KLHL1: variants seen among roughly 807,000 people sequenced by gnomAD.
KLHL1 encodes kelch-like protein 1.
KLHL1 carries 47 observed loss-of-function variants against 77.7 expected under a neutral mutation model. The observed-to-expected ratio is 0.60, with a 90% CI of 0.48 to 0.77. The LOEUF is 0.77. KLHL1 is among the 30% of genes least tolerant of loss of function. The pLI is 0.00. For synonymous variants in KLHL1, 360 were observed against 325.2 expected (o/e 1.11, Z -1.15); for missense variants, 925 against 910.8 (o/e 1.02, Z -0.20).
intron 5 of KLHL1, among the ~76,000 whole-genome samples, chr13:69,850,682 T>C: frequency 6.6e-6 from 1 of 151,674 alleles, no homozygotes; most frequent in South Asian, 2.1e-4. Context: ...TTCAAACTAC[T>C]CCCACAGCGT....
intron 8 of KLHL1, among the ~76,000 whole-genome samples, chr13:69,721,821 C>T (rs1156536211): frequency 6.6e-6 from 1 of 152,058 alleles, no homozygotes; most frequent in African/African-American, 2.4e-5. Context: ...CACAAGTAGT[C>T]TGCTAACTCT....
intron 4 of KLHL1, among the ~76,000 whole-genome samples, chr13:69,909,947 T>C (rs990031934): frequency 2.6e-5 from 4 of 152,132 alleles, no homozygotes; most frequent in Admixed American, 6.6e-5. Context: ...TCAAGGATCC[T>C]TTCCTTTGTT....
intron 4 of KLHL1, among the ~76,000 whole-genome samples, chr13:69,884,973 G>A (rs374819215): frequency 1.7e-5 from 2 of 114,860 alleles, no homozygotes; most frequent in Non-Finnish European, 3.2e-5. Flanking sequence ...TCGCTCTGTC[G>A]CCCAGGCCGG....
At chr13:70,050,421 TA>T (rs930769838) in intron 1 of KLHL1, among the ~76,000 whole-genome samples, 119 of 145,958 alleles carry the variant, frequency 8.2e-4, no homozygotes, top group East Asian at 2.0e-3. Context: ...TATGTTCAGT[TA>T]AAAAAAAAAG....
At chr13:69,890,414 T>C (rs912596521) in intron 4 of KLHL1, among the ~76,000 whole-genome samples, 6 of 152,006 alleles carry the variant, frequency 3.9e-5, no homozygotes, top group African/African-American at 1.4e-4. Flanking sequence ...TTACATTCCA[T>C]ACACTTTTAC....
chr13:69,966,589 T>C (rs1262725610), intron 2 of KLHL1, among the ~76,000 whole-genome samples: 2 of 152,168 alleles, frequency 1.3e-5, no homozygotes, highest in African/African-American at 4.8e-5. Context: ...TTTTAAAAAG[T>C]ATATTTCATT....
intron 3 of KLHL1, among the ~76,000 whole-genome samples, chr13:69,946,987 C>A (rs1393448444): frequency 6.6e-6 from 1 of 150,982 alleles, no homozygotes; most frequent in Non-Finnish European, 1.5e-5. Flanking sequence ...TTTTTAATAT[C>A]TTAAAAACTT....
chr13:69,985,819 TTA>T (rs1185458948), intron 1 of KLHL1, among the ~76,000 whole-genome samples: 6 of 146,544 alleles, frequency 4.1e-5, no homozygotes, highest in East Asian at 2.0e-4. Flanking sequence ...ATATTATATA[TTA>T]TATATATATC....
At chr13:70,009,378 G>T (rs943278570) in intron 1 of KLHL1, among the ~76,000 whole-genome samples, 2 of 152,092 alleles carry the variant, frequency 1.3e-5, no homozygotes, top group Admixed American at 1.3e-4. Context: ...TAGGTAAAGG[G>T]CAGGGAAGAC....
chr13:69,806,989 C>A (rs1877645150), intron 6 of KLHL1, among the ~76,000 whole-genome samples: 1 of 152,170 alleles, frequency 6.6e-6, no homozygotes, highest in Non-Finnish European at 1.5e-5. Context: ...CACTACATGC[C>A]TTGGTGGTGC....
intron 1 of KLHL1, among the ~76,000 whole-genome samples, chr13:70,024,642 C>CTT (rs1454526084): frequency 3.7e-4 from 54 of 147,454 alleles, no homozygotes; most frequent in Middle Eastern, 3.4e-3. Context: ...CTCTCTCTCT[C>CTT]TCTCTCTCTC....
chr13:70,091,362 G>A (rs1887668950), intron 1 of KLHL1, among the ~76,000 whole-genome samples: 1 of 151,540 alleles, frequency 6.6e-6, no homozygotes, highest in African/African-American at 2.4e-5. Context: ...CTTATGATCA[G>A]TCTTTTCGAC....
At chr13:69,971,079 T>C (rs928803568) in intron 2 of KLHL1, among the ~76,000 whole-genome samples, 2 of 152,158 alleles carry the variant, frequency 1.3e-5, no homozygotes, top group Non-Finnish European at 2.9e-5. Flanking sequence ...TTAAAGTCAT[T>C]ATTTCAGTAC....
intron 9 of KLHL1, among the ~76,000 whole-genome samples, chr13:69,718,781 A>G (rs1042298154): frequency 2.0e-5 from 3 of 152,086 alleles, no homozygotes; most frequent in Admixed American, 1.3e-4. Flanking sequence ...TCTAGCTTCT[A>G]TGCACCTGGT....
intron 1 of KLHL1, among the ~76,000 whole-genome samples, chr13:70,012,015 C>T (rs1885545284): frequency 6.6e-6 from 1 of 152,028 alleles, no homozygotes; most frequent in South Asian, 2.1e-4. Flanking sequence ...CAGGGGAACT[C>T]CTCTTTATAA....
At chr13:69,847,302 A>C (rs1301436715) in intron 5 of KLHL1, among the ~76,000 whole-genome samples, 1 of 151,450 alleles carries the variant, frequency 6.6e-6, no homozygotes, top group Non-Finnish European at 1.5e-5. Flanking sequence ...ATCATTTAAG[A>C]AATATAAATT....
At chr13:69,896,194 C>G in intron 4 of KLHL1, among the ~76,000 whole-genome samples, 1 of 152,230 alleles carries the variant, frequency 6.6e-6, no homozygotes, top group Middle Eastern at 3.4e-3. Flanking sequence ...AGGTTGAATT[C>G]TTCTCATGAT....
rs1315709823 is a variant in KLHL1 at position 69,700,611 on chromosome 13, T to A, written c.*1091A>T. ...ACACTGATAAATGCAAATTTTTTGA[T>A]CATTTATTAATTGTAATTAAAATTT... On this transcript the variant is annotated 3_prime_UTR_variant, in exon 11 of 11. Coordinates refer to ENST00000377844, the MANE Select transcript of KLHL1 (RefSeq NM_020866.3). 6.6e-6 allele frequency: 1 copy of A among 152,476 alleles called. No homozygotes were observed. Among genetic ancestry groups the A allele is most frequent in the Non-Finnish European group, 1.5e-5 (1 of 67,904 alleles). The allele number at this position is 152,476 out of a possible 1,614,324, so 9.4% of individuals were successfully genotyped here.
intron 6 of KLHL1, among the ~76,000 whole-genome samples, chr13:69,838,170 T>G (rs1027012324): frequency 1.3e-5 from 2 of 151,750 alleles, no homozygotes; most frequent in Non-Finnish European, 3.0e-5. Context: ...TAAGTTTTTT[T>G]TTTGTTCTGA....
Sources: allele counts gnomAD v4.1 joint callset (sites outside exome capture counted in the v4.1 genomes callset), GRCh38; gene constraint gnomAD v4.1.1; transcripts MANE v1.5; gene names NCBI Gene and HGNC (gene_info 2026-07-23, HGNC 2026-07-21).